CNTNAP5: variants seen among roughly 807,000 people sequenced by gnomAD.
CNTNAP5 encodes the protein contactin associated protein family member 5.
In CNTNAP5, 72 loss-of-function variants were observed where a neutral mutation model predicts 150.2. The ratio of observed to expected loss-of-function variants is 0.48; its 90% CI spans 0.40 to 0.58. The LOEUF is 0.58. Among genes scored for constraint, CNTNAP5 ranks in the 20% least tolerant of loss-of-function variants. CNTNAP5 has a pLI of 0.00. For missense variants in CNTNAP5, 1,636 were observed against 1,626.2 expected, an observed-to-expected ratio of 1.01 and a Z score of -0.10; for synonymous variants, 672 against 619.8, an observed-to-expected ratio of 1.08 and a Z score of -1.25.
intron 1 of CNTNAP5, among the ~76,000 whole-genome samples, chr2:124,062,195 C>T (rs999365705): frequency 2.6e-5 from 4 of 152,148 alleles, no homozygotes; most frequent in African/African-American, 9.7e-5. Flanking sequence ...ATCACAAAAC[C>T]TTTGTCCTAC....
In CNTNAP5 at chr2:124,417,538, G is replaced by A; in HGVS notation, c.477G>A (p.Trp159Ter). Residue 159 changes from tryptophan to a stop codon, truncating the protein, a stop_gained, in exon 4 of 24, where the codon TGG (tryptophan) becomes TGA (stop). Coordinates refer to ENST00000682447, the MANE Select transcript of CNTNAP5 (RefSeq NM_001367498.1). LOFTEE classifies it high-confidence loss of function. Reference sequence around the variant, plus strand: ...TTGTTCGCTTTGTGCCCCTGGAATGGAATCCCAGTGGGAAGATTGGCATGA... The same window carrying A: ...TTGTTCGCTTTGTGCCCCTGGAATGAAATCCCAGTGGGAAGATTGGCATGA... The part of the protein sequence containing the change: ...ARFVRFVPLE[W>*]NPSGKIGMRV... 1 of 1,613,758 alleles carries A rather than the reference G, an allele frequency of 6.2e-7. No individual in the cohort carries two copies. Among genetic ancestry groups the A allele is most frequent in the Non-Finnish European group, 8.5e-7 (1 of 1,179,786 alleles).
chr2:124,072,782 C>T (rs1055455146), intron 1 of CNTNAP5, among the ~76,000 whole-genome samples: 5 of 151,910 alleles, frequency 3.3e-5, no homozygotes, highest in Admixed American at 2.0e-4. Flanking sequence ...GTCCACATTA[C>T]CCAAAACAAT....
intron 19 of CNTNAP5, among the ~76,000 whole-genome samples, chr2:124,818,109 C>T (rs1199834042): frequency 6.6e-6 from 1 of 152,180 alleles, no homozygotes; most frequent in Non-Finnish European, 1.5e-5. Flanking sequence ...GGATATATGA[C>T]ATGGAAGCTG....
chr2:124,060,785 A>G (rs1454841627), intron 1 of CNTNAP5, among the ~76,000 whole-genome samples: 2 of 152,238 alleles, frequency 1.3e-5, no homozygotes, highest in East Asian at 3.8e-4. Flanking sequence ...TAAGTCTCCC[A>G]GGATGTCTGT....
At chr2:124,268,294 TTGAG>T (rs1217254867) in intron 3 of CNTNAP5, among the ~76,000 whole-genome samples, 1 of 152,208 alleles carries the variant, frequency 6.6e-6, no homozygotes, top group African/African-American at 2.4e-5. Context: ...TCCCTTCCCT[TTGAG>T]TGTCGATTTG....
intron 10 of CNTNAP5, among the ~76,000 whole-genome samples, chr2:124,541,464 G>A (rs1341946026): frequency 6.6e-6 from 1 of 151,868 alleles, no homozygotes; most frequent in African/African-American, 2.4e-5. Flanking sequence ...TGTAAAGGTG[G>A]GACTGATATT....
intron 16 of CNTNAP5, among the ~76,000 whole-genome samples, chr2:124,767,034 T>C (rs1681083008): frequency 6.6e-6 from 1 of 152,210 alleles, no homozygotes; most frequent in South Asian, 2.1e-4. Context: ...GGAAACATCT[T>C]GTATTCTTTA....
At chr2:124,356,322 T>A (rs1172021099) in intron 3 of CNTNAP5, among the ~76,000 whole-genome samples, 2 of 149,106 alleles carry the variant, frequency 1.3e-5, no homozygotes, top group Admixed American at 1.3e-4. Flanking sequence ...TTTTTTTTTT[T>A]ATACTTTAGG....
In CNTNAP5 at chr2:124,689,126, C is replaced by G. The variant is rs529108004; in HGVS notation, c.2077+41168C>G. ...GTCACTACTGTTTCTACTTTGCATG[C>G]CACCACGCCCAGCTCAGTAGACATT... On this transcript the variant is annotated intron_variant, in intron 13 of 23. Coordinates refer to ENST00000682447, the MANE Select transcript of CNTNAP5 (RefSeq NM_001367498.1). Among the ~76,000 whole-genome samples the G allele has an allele frequency of 8.5e-5, 13 of 152,188 alleles. No individual in the cohort carries two copies. The South Asian group carries it at 2.5e-3, about 29-fold the overall frequency.
intron 1 of CNTNAP5, among the ~76,000 whole-genome samples, chr2:124,066,994 G>C (rs1228230229): frequency 6.6e-6 from 1 of 152,130 alleles, no homozygotes; most frequent in Non-Finnish European, 1.5e-5. Context: ...TACTCTTCAA[G>C]ACCACATTGC....
intron 1 of CNTNAP5, among the ~76,000 whole-genome samples, chr2:124,124,456 C>T (rs544129616): frequency 5.9e-5 from 9 of 152,082 alleles, no homozygotes; most frequent in Non-Finnish European, 8.8e-5. Context: ...CTAAAAGAGA[C>T]GGGGAGAATG....
intron 3 of CNTNAP5, among the ~76,000 whole-genome samples, chr2:124,279,347 G>T (rs6755697): frequency 0.046 from 7,026 of 152,004 alleles, 256 homozygotes; most frequent in East Asian, 0.18. Flanking sequence ...TGATTGACAA[G>T]GGAGTGACAT....
intron 10 of CNTNAP5, among the ~76,000 whole-genome samples, chr2:124,545,429 C>T (rs188358110): frequency 3.3e-5 from 5 of 152,226 alleles, no homozygotes. Context: ...AAGCTTAATT[C>T]ACAGCCCTCA....
intron 12 of CNTNAP5, among the ~76,000 whole-genome samples, chr2:124,626,284 G>T (rs187088323): frequency 6.8e-4 from 103 of 152,192 alleles, no homozygotes; most frequent in African/African-American, 2.5e-3. Context: ...GAAAGGGGCC[G>T]AGATGGCAGA....
intron 7 of CNTNAP5, among the ~76,000 whole-genome samples, chr2:124,503,447 G>C (rs1392285052): frequency 2.6e-5 from 4 of 152,174 alleles, no homozygotes; most frequent in African/African-American, 9.7e-5. Context: ...CCCCTTGTGG[G>C]ATCCTTACCT....
chr2:124,272,423 C>A (rs1022969696), intron 3 of CNTNAP5, among the ~76,000 whole-genome samples: 1 of 152,112 alleles, frequency 6.6e-6, no homozygotes, highest in Non-Finnish European at 1.5e-5. Context: ...CATTTTTATA[C>A]AGAATGTGCT....
At chr2:124,217,239 A>G (rs186239775) in intron 1 of CNTNAP5, among the ~76,000 whole-genome samples, 2 of 152,130 alleles carry the variant, frequency 1.3e-5, no homozygotes, top group Admixed American at 1.3e-4. Flanking sequence ...TTTTTTTCTT[A>G]AAATTCAAAT....
At chr2:124,200,960 G>A (rs1232523136) in intron 1 of CNTNAP5, among the ~76,000 whole-genome samples, 2 of 152,180 alleles carry the variant, frequency 1.3e-5, no homozygotes, top group Non-Finnish European at 2.9e-5. Context: ...TCCTCTGGAG[G>A]CAGCCCAAGT....
intron 3 of CNTNAP5, among the ~76,000 whole-genome samples, chr2:124,246,528 C>A (rs13004388): frequency 6.6e-6 from 1 of 151,898 alleles, no homozygotes; most frequent in Non-Finnish European, 1.5e-5. Flanking sequence ...ATTAAAATTC[C>A]GACTCTGGGC....
Sources: allele counts gnomAD v4.1 joint callset (sites outside exome capture counted in the v4.1 genomes callset), GRCh38; gene constraint gnomAD v4.1.1; transcripts MANE v1.5; gene names NCBI Gene and HGNC (gene_info 2026-07-23, HGNC 2026-07-21).